B3GALT1: variants seen among roughly 807,000 people sequenced by gnomAD.
B3GALT1 encodes UDP-Gal:betaGlcNAc beta 1,3-galactosyltransferase, polypeptide 1.
A neutral mutation model predicts 23.2 loss-of-function variants in B3GALT1; 10 were observed. The ratio of observed to expected loss-of-function variants is 0.43; its 90% CI spans 0.27 to 0.73. B3GALT1 has a LOEUF of 0.73. B3GALT1 is among the 30% of genes least tolerant of loss of function. B3GALT1 has a pLI of 0.21. For synonymous variants in B3GALT1, 156 were observed against 141.5 expected (o/e 1.10, Z -0.73); for missense variants, 299 against 405.4 (o/e 0.74, Z 2.25).
Position 167,849,532 on chromosome 2 carries a change from A to G in B3GALT1, c.-229-19279A>G, listed in dbSNP as rs537076790. The stretch of plus-strand genomic sequence containing the variant: ...CTGGGATAATTGGCAAGCCACATGT[A>G]GGAAAACAAAACTGGATACTCATCT... On this transcript the variant is annotated intron_variant, in intron 4 of 4. Transcript: ENST00000392690. Among the ~76,000 whole-genome samples the G allele has an allele frequency of 1.1e-4, 17 of 152,296 alleles. No homozygotes were observed. The East Asian group carries it at 3.1e-3, about 28-fold the overall frequency.
At chr2:167,390,106 C>T (rs1432174811) in intron 1 of B3GALT1, among the ~76,000 whole-genome samples, 3 of 152,002 alleles carry the variant, frequency 2.0e-5, no homozygotes, top group African/African-American at 7.3e-5. Context: ...GATCTCAGGA[C>T]GAACCCTTCA....
At chr2:167,780,098 A>AT (rs888992827) in intron 3 of B3GALT1, among the ~76,000 whole-genome samples, 1 of 152,172 alleles carries the variant, frequency 6.6e-6, no homozygotes, top group Admixed American at 6.5e-5. Flanking sequence ...ACAAGTGTTT[A>AT]TTTTTTATCT....
chr2:167,298,686 T>C (rs569163714), intron 1 of B3GALT1, among the ~76,000 whole-genome samples: 5 of 152,232 alleles, frequency 3.3e-5, no homozygotes, highest in Admixed American at 3.3e-4. Flanking sequence ...TCCCTCTTCT[T>C]ACAGGACCTT....
At chr2:167,841,657 G>C (rs1689652226) in intron 4 of B3GALT1, among the ~76,000 whole-genome samples, 1 of 152,224 alleles carries the variant, frequency 6.6e-6, no homozygotes, top group East Asian at 1.9e-4. Flanking sequence ...TCCTAAGAGA[G>C]TAAGGAGCAC....
chr2:167,322,492 C>A (rs1261559824), intron 1 of B3GALT1, among the ~76,000 whole-genome samples: 1 of 151,964 alleles, frequency 6.6e-6, no homozygotes, highest in African/African-American at 2.4e-5. Flanking sequence ...TGATCGACTT[C>A]TGAACACATG....
At chr2:167,362,948 C>T (rs1487062257) in intron 1 of B3GALT1, among the ~76,000 whole-genome samples, 6 of 152,116 alleles carry the variant, frequency 3.9e-5, no homozygotes, top group African/African-American at 7.2e-5. Flanking sequence ...CTCTGCCACA[C>T]GGGTTCAGGT....
intron 1 of B3GALT1, among the ~76,000 whole-genome samples, chr2:167,352,892 C>CT (rs1282238194): frequency 6.6e-6 from 1 of 152,146 alleles, no homozygotes; most frequent in African/African-American, 2.4e-5. Context: ...GTCTCATCTT[C>CT]TGGGAGATTG....
intron 2 of B3GALT1, among the ~76,000 whole-genome samples, chr2:167,610,536 C>G (rs1685041567): frequency 6.6e-6 from 1 of 152,062 alleles, no homozygotes; most frequent in Non-Finnish European, 1.5e-5. Context: ...ACAGATTCTC[C>G]TGCTTAAAGG....
chr2:167,647,035 A>G (rs1255036145), intron 3 of B3GALT1, among the ~76,000 whole-genome samples, 69 bp downstream of exon 3: 1 of 152,154 alleles, frequency 6.6e-6, no homozygotes, highest in African/African-American at 2.4e-5. Flanking sequence ...CAGTGGTCTC[A>G]TCTCACCTTC....
chr2:167,579,554 C>G (rs1016612271), intron 2 of B3GALT1, among the ~76,000 whole-genome samples: 2 of 150,928 alleles, frequency 1.3e-5, no homozygotes, highest in African/African-American at 4.9e-5. Context: ...TTCAAGGTCG[C>G]TGACACTCAA....
intron 1 of B3GALT1, among the ~76,000 whole-genome samples, chr2:167,301,357 T>C (rs1696442297): frequency 6.6e-6 from 1 of 152,194 alleles, no homozygotes; most frequent in African/African-American, 2.4e-5. Flanking sequence ...AAGTCCTTTC[T>C]GGGTACCATC....
chr2:167,446,983 C>G (rs970070983), intron 1 of B3GALT1, among the ~76,000 whole-genome samples: 2 of 152,216 alleles, frequency 1.3e-5, no homozygotes, highest in African/African-American at 4.8e-5. Flanking sequence ...TTCTCCCCAT[C>G]TTTGTGGTTT....
intron 2 of B3GALT1, among the ~76,000 whole-genome samples, chr2:167,534,588 A>G (rs1043626457): frequency 6.6e-6 from 1 of 152,204 alleles, no homozygotes; most frequent in Non-Finnish European, 1.5e-5. Context: ...TTTAAGTACA[A>G]TGAGTATCAC....
At chr2:167,676,953 C>T (rs111579607) in intron 3 of B3GALT1, among the ~76,000 whole-genome samples, 2,242 of 152,182 alleles carry the variant, frequency 0.015, 29 homozygotes, top group South Asian at 0.025. Context: ...CAAATTTGGT[C>T]CTGTTTCTTC....
intron 3 of B3GALT1, among the ~76,000 whole-genome samples, chr2:167,733,533 G>C (rs891018935): frequency 6.6e-6 from 1 of 152,024 alleles, no homozygotes; most frequent in African/African-American, 2.4e-5. Flanking sequence ...GCCCTGAATA[G>C]TTTCTCACTT....
chr2:167,587,535 T>A (rs966301977), intron 2 of B3GALT1, among the ~76,000 whole-genome samples: 1 of 152,224 alleles, frequency 6.6e-6, no homozygotes, highest in Non-Finnish European at 1.5e-5. Flanking sequence ...CCAAATGCTG[T>A]CTCTTGTTTA....
At chr2:167,429,725 G>GT (rs1287553404) in intron 1 of B3GALT1, among the ~76,000 whole-genome samples, 1 of 152,182 alleles carries the variant, frequency 6.6e-6, no homozygotes, top group Non-Finnish European at 1.5e-5. Context: ...CCTCAGCTAA[G>GT]TTTCCCCCAA....
At chr2:167,458,844 G>GT (rs979297572) in intron 1 of B3GALT1, among the ~76,000 whole-genome samples, 9 of 152,164 alleles carry the variant, frequency 5.9e-5, no homozygotes, top group African/African-American at 2.2e-4. Flanking sequence ...ATGCAACTAA[G>GT]TTTTTTGTAT....
chr2:167,476,546 C>G (rs189861628), intron 1 of B3GALT1, among the ~76,000 whole-genome samples: 1 of 152,146 alleles, frequency 6.6e-6, no homozygotes, highest in African/African-American at 2.4e-5. Context: ...TTGGTTTTTC[C>G]TTTCAAGGGG....
Sources: gnomAD v4.1 joint callset for allele counts (sites outside exome capture counted in the v4.1 genomes callset) on GRCh38, gnomAD v4.1.1 for gene constraint, MANE v1.5 for transcripts, NCBI Gene and HGNC (gene_info 2026-07-23, HGNC 2026-07-21) for gene names.